The following THAP9 variants were observed in gnomAD, a reference collection of about 807,000 sequenced individuals.
The protein encoded by THAP9 is THAP domain containing 9, also known as DNA transposase THAP9.
THAP9 carries 20 observed loss-of-function variants against 35.7 expected under a neutral mutation model. The ratio of observed to expected loss-of-function variants is 0.56; its 90% CI spans 0.39 to 0.81. The LOEUF (loss-of-function observed/expected upper bound fraction) is 0.81. Among genes scored for constraint, THAP9 ranks in the 40% least tolerant of loss-of-function variants. The pLI, the probability that THAP9 is intolerant of heterozygous loss-of-function variation, is 0.00. For missense variants in THAP9, 870 were observed against 1,047.4 expected (o/e 0.83, Z 2.34); for synonymous variants, 335 against 373.7 (o/e 0.90, Z 1.19).
Position 82,918,631 on chromosome 4 carries a change from C to G in THAP9, c.2419C>G (p.Leu807Val). The change falls in exon 5 of 5, where the codon CTT becomes GTT. Residue 807 changes from leucine (L) to valine (V), a missense_variant. Physicochemically the swap from Leu to Val is conservative, Grantham distance 32 (BLOSUM62 1). Coordinates refer to ENST00000302236, the MANE Select transcript of THAP9 (RefSeq NM_024672.6). Reference protein sequence around the residue: ...LYLQQKILCELSGHINLFVDV... With the variant: ...LYLQQKILCEVSGHINLFVDV... ...TCTTCAACAGAAAATATTATGTGAG[C>G]TTTCTGGGCATATTAATCTTTTTGT... 6.2e-7 allele frequency: 1 copy of G among 1,614,058 alleles called. No homozygotes were observed. Among genetic ancestry groups the G allele is most frequent in the South Asian group, 1.1e-5 (1 of 91,078 alleles).
chr4:82,906,049 C>T, intron 2 of THAP9: 1 of 414,174 alleles, frequency 2.4e-6, no homozygotes, highest in Non-Finnish European at 4.6e-6. Context: ...AACTCACTTC[C>T]ATGAAGCCAT....
intron 1 of THAP9, 85 bp downstream of exon 1, chr4:82,900,967 C>T: frequency 6.7e-7 from 1 of 1,495,548 alleles, no homozygotes; most frequent in East Asian, 2.4e-5. Flanking sequence ...GGCCGGGCCG[C>T]ACTGTGGGTC....
chr4:82,906,319 C>T lies in THAP9; in HGVS notation c.277-5C>T. ...AATAACTTTAATTTTATATATCTGTCATAGATTCCTCAAGGTGTACATCTT... is the reference window on the plus strand; with the variant it reads ...AATAACTTTAATTTTATATATCTGTTATAGATTCCTCAAGGTGTACATCTT... On this transcript the variant is annotated splice_polypyrimidine_tract_variant and splice_region_variant and intron_variant, in intron 2 of 4. Coordinates refer to ENST00000302236, the MANE Select transcript of THAP9 (RefSeq NM_024672.6). 6.4e-7 allele frequency: 1 copy of T among 1,564,750 alleles called. No homozygotes were observed. Among genetic ancestry groups the T allele is most frequent in the Non-Finnish European group, 8.6e-7 (1 of 1,157,606 alleles).
intron 1 of THAP9, 94 bp from the exon 2 acceptor site, chr4:82,904,642 G>A: frequency 9.2e-7 from 1 of 1,091,610 alleles, no homozygotes; most frequent in Non-Finnish European, 1.3e-6. Flanking sequence ...TTTCTATAAA[G>A]CAGTAAAATA....
intron 4 of THAP9, 90 bp downstream of exon 4, chr4:82,908,025 C>A: frequency 7.7e-7 from 1 of 1,294,470 alleles, no homozygotes. Context: ...AGATGTTAAA[C>A]CATATTATTC....
chr4:82,907,715 C>T lies in THAP9; in HGVS notation c.581-70C>T, dbSNP rs1578447826. 2.6e-6 allele frequency: 3 copies of T among 1,156,114 alleles called. No homozygotes were observed. In the East Asian group the frequency reaches 7.9e-5, roughly 30 times the overall value. The allele number at this position is 1,156,114 out of a possible 1,614,324, so 71.6% of individuals were successfully genotyped here. On this transcript the variant is annotated intron_variant, in intron 3 of 4. Transcript: ENST00000302236. ...TTCTGATGCCCAGTGCATTTTATAT[C>T]CAAATGCTATAATCTGTACCTGAAA...
chr4:82,904,058 C>CTTTTTTTTTTTTTTT (rs59655406), intron 1 of THAP9, among the ~76,000 whole-genome samples: 3 of 82,210 alleles, frequency 3.6e-5, no homozygotes, highest in Non-Finnish European at 4.8e-5. Context: ...TAGGCTCCCC[C>CTTTTTTTTTTTTTTT]TTTTTTTTTT....
In THAP9 at chr4:82,907,936, G is replaced by A. The variant is rs757401092; in HGVS notation, c.731+1G>A. The A allele has an allele frequency of 4.4e-6, 7 of 1,604,926 alleles. No homozygotes were observed. The highest frequency in any genetic ancestry group is 1.3e-5 in the African/African-American group (1 of 74,344). Reference sequence around the variant, plus strand: ...TGCCTCATTCTTCCATCCTCAGAACGTAAGTGAATTATTTTTTTATTTTTT... The same window carrying A: ...TGCCTCATTCTTCCATCCTCAGAACATAAGTGAATTATTTTTTTATTTTTT... On this transcript the variant is annotated splice_donor_variant, in intron 4 of 4. Transcript: ENST00000302236. LOFTEE classifies it high-confidence loss of function.
rs1720644505 is a variant in THAP9 at position 82,906,340 on chromosome 4, A to ATAGATTCCTCAAGAT, written c.294_295insAGATTCCTCAAGATT (p.His98_Leu99insArgPheLeuLysIle). 1 of 1,593,418 alleles carries ATAGATTCCTCAAGAT rather than the reference A, an allele frequency of 6.3e-7. No homozygotes were observed. The highest frequency in any genetic ancestry group is 1.8e-5 in the Admixed American group (1 of 56,350). ...CTGTCATAGATTCCTCAAGGTGTAC[A>ATAGATTCCTCAAGAT]TCTTAAAGGTAAAGCAAGACAAAAA... On this transcript the variant is annotated inframe_insertion, in exon 3 of 5. Coordinates refer to ENST00000302236, the MANE Select transcript of THAP9 (RefSeq NM_024672.6).
chr4:82,904,645 G>T, intron 1 of THAP9, 91 bp from the exon 2 acceptor site: 3 of 1,176,846 alleles, frequency 2.5e-6, no homozygotes. Flanking sequence ...CTATAAAGCA[G>T]TAAAATAATA....
At chr4:82,905,975 T>C in intron 2 of THAP9, 1 of 457,380 alleles carries the variant, frequency 2.2e-6, no homozygotes, top group Non-Finnish European at 4.4e-6. Flanking sequence ...CCTTCTTTTT[T>C]GCACAAATAA....
chr4:82,901,984 T>C (rs1003089589), intron 1 of THAP9, among the ~76,000 whole-genome samples: 1 of 152,202 alleles, frequency 6.6e-6, no homozygotes, highest in African/African-American at 2.4e-5. Flanking sequence ...CGTAAGACTT[T>C]ATAGCATATG....
In THAP9 at chr4:82,917,221, CTT is replaced by C. The variant is rs1721063659; in HGVS notation, c.1010_1011del (p.Leu337ArgfsTer23). On this transcript the variant is annotated frameshift_variant, in exon 5 of 5. Transcript: ENST00000302236. LOFTEE classifies it high-confidence loss of function. ...TATTTTTGGCCATTGGAGAACACCT[CTT>C]GGTTATTTTTTTGTAAACAGAGCAT... is the stretch of plus-strand genomic sequence containing the variant. ...VGIFGHWRTPLGYFFVNRASG... is the reference protein window; with the variant it reads ...VGIFGHWRTPXGYFFVNRASG... 2.5e-6 allele frequency: 4 copies of C among 1,613,954 alleles called. 1 individual carries two copies. In the South Asian group the frequency reaches 4.4e-5, roughly 18 times the overall value.
chr4:82,918,964 G>A lies in THAP9; in HGVS notation c.*40G>A. 1.4e-6 allele frequency: 2 copies of A among 1,439,568 alleles called. No individual in the cohort carries two copies. The highest frequency in any genetic ancestry group is 1.9e-6 in the Non-Finnish European group (2 of 1,069,172). The allele number at this position is 1,439,568 out of a possible 1,614,324, so 89.2% of individuals were successfully genotyped here. ...ATTAACATTTTAATTAAGAATACTT[G>A]ATCAACATTTTTTGAAGTTCAATTT... is the stretch of plus-strand genomic sequence containing the variant. On this transcript the variant is annotated 3_prime_UTR_variant, in exon 5 of 5. Coordinates refer to ENST00000302236, the MANE Select transcript of THAP9 (RefSeq NM_024672.6).
chr4:82,911,840 G>A (rs1720877763), intron 4 of THAP9, among the ~76,000 whole-genome samples: 1 of 152,166 alleles, frequency 6.6e-6, no homozygotes, highest in Admixed American at 6.5e-5. Flanking sequence ...GGAAAAGTAA[G>A]TAACTAGAAA....
chr4:82,915,656 T>C (rs1265626860), intron 4 of THAP9, among the ~76,000 whole-genome samples: 1 of 152,118 alleles, frequency 6.6e-6, no homozygotes, highest in African/African-American at 2.4e-5. Flanking sequence ...TTTAAACTAT[T>C]ACAGTCATCC....
chr4:82,909,617 C>T (rs925341528), intron 4 of THAP9, among the ~76,000 whole-genome samples: 2 of 152,136 alleles, frequency 1.3e-5, no homozygotes, highest in African/African-American at 4.8e-5. Flanking sequence ...CTCTGACATT[C>T]TCCAGCTATT....
intron 4 of THAP9, among the ~76,000 whole-genome samples, chr4:82,912,600 T>C (rs1389225043): frequency 6.6e-6 from 1 of 152,192 alleles, no homozygotes; most frequent in Admixed American, 6.5e-5. Context: ...GCAAGGACAG[T>C]TTGGGAATAT....
At chr4:82,905,367 A>G (rs1386033280) in intron 2 of THAP9, among the ~76,000 whole-genome samples, 1 of 152,194 alleles carries the variant, frequency 6.6e-6, no homozygotes, top group Non-Finnish European at 1.5e-5. Flanking sequence ...GAAACTTTCT[A>G]TGAGTGAGTC....
Sources: allele counts gnomAD v4.1 joint callset (sites outside exome capture counted in the v4.1 genomes callset), GRCh38; gene constraint gnomAD v4.1.1; transcripts MANE v1.5; gene names NCBI Gene and HGNC (gene_info 2026-07-23, HGNC 2026-07-21).